F13A1: variants seen among roughly 807,000 people sequenced by gnomAD.
The protein encoded by F13A1 is FSF, A subunit.
F13A1 carries 47 observed loss-of-function variants against 80.1 expected under a neutral mutation model. The observed-to-expected ratio is 0.59, with a 90% CI of 0.46 to 0.75. F13A1 has a LOEUF of 0.75. Ranked by LOEUF, F13A1 falls within the 30% of genes least tolerant of loss-of-function variation. F13A1 has a pLI of 0.00. For missense variants in F13A1, 817 were observed against 930.4 expected (o/e 0.88, Z 1.59); for synonymous variants, 349 against 344.9 (o/e 1.01, Z -0.13).
At chr6:6,183,652 A>G (rs1262360689) in intron 10 of F13A1, among the ~76,000 whole-genome samples, 4 of 152,242 alleles carry the variant, frequency 2.6e-5, no homozygotes, top group African/African-American at 7.2e-5. Flanking sequence ...CCATGAAAGA[A>G]TAAGTACAAG....
chr6:6,294,348 T>A (rs1237432945), intron 3 of F13A1, among the ~76,000 whole-genome samples: 1 of 152,152 alleles, frequency 6.6e-6, no homozygotes, highest in African/African-American at 2.4e-5. Context: ...AGCCTACATC[T>A]TTCTCCCATG....
At chr6:6,193,043 G>C (rs1303135534) in intron 10 of F13A1, among the ~76,000 whole-genome samples, 1 of 152,184 alleles carries the variant, frequency 6.6e-6, no homozygotes, top group Non-Finnish European at 1.5e-5. Context: ...AAGCTGGGGA[G>C]ATAGGCAGAT....
At chr6:6,149,779 T>C (rs1760340744) in intron 14 of F13A1, among the ~76,000 whole-genome samples, 2 of 152,208 alleles carry the variant, frequency 1.3e-5, no homozygotes, top group Non-Finnish European at 2.9e-5. Flanking sequence ...TCTCTGTCTA[T>C]CTACTTGTCT....
At chr6:6,195,961 T>C in intron 9 of F13A1, 76 bp from the exon 10 acceptor site, 1 of 1,301,150 alleles carries the variant, frequency 7.7e-7, no homozygotes, top group Admixed American at 1.8e-5. Context: ...TTCATGGCAC[T>C]GAGGGTGACT....
Position 6,288,246 on chromosome 6 carries a change from C to A in F13A1, c.319+17105G>T, listed in dbSNP as rs115227873. On this transcript the variant is annotated intron_variant, in intron 3 of 14. Coordinates refer to ENST00000264870, the MANE Select transcript of F13A1 (RefSeq NM_000129.4). ...TTATTTTAAACTGTGGTCACCAAGCCATGCAGTAGATCACTAAAACTTATT... is the reference window on the plus strand; with the variant it reads ...TTATTTTAAACTGTGGTCACCAAGCAATGCAGTAGATCACTAAAACTTATT... 1.6e-3 allele frequency among the ~76,000 whole-genome samples: 242 copies of A among 152,294 alleles called. 1 individual carries two copies. Among genetic ancestry groups the A allele is most frequent in the African/African-American group, 5.5e-3 (228 of 41,572 alleles).
chr6:6,287,175 A>C (rs1409554804), intron 3 of F13A1, among the ~76,000 whole-genome samples: 2 of 152,218 alleles, frequency 1.3e-5, no homozygotes, highest in Non-Finnish European at 2.9e-5. Context: ...TTTAGATTAG[A>C]GACTCAAGAG....
At chr6:6,217,953 C>T (rs1422234851) in intron 8 of F13A1, among the ~76,000 whole-genome samples, 1 of 152,134 alleles carries the variant, frequency 6.6e-6, no homozygotes, top group African/African-American at 2.4e-5. Context: ...TCTGTTTATT[C>T]AGTGCTTGCT....
chr6:6,202,764 C>T (rs1275962562), intron 8 of F13A1, among the ~76,000 whole-genome samples: 1 of 152,186 alleles, frequency 6.6e-6, no homozygotes, highest in African/African-American at 2.4e-5. Context: ...CACATCTCTG[C>T]TTTATGTTTC....
At chr6:6,168,577 G>A (rs557668898) in intron 12 of F13A1, among the ~76,000 whole-genome samples, 1 of 152,322 alleles carries the variant, frequency 6.6e-6, no homozygotes, top group South Asian at 2.1e-4. Flanking sequence ...TCCATCCCCA[G>A]CCACAGAGAA....
At chr6:6,176,135 G>GT (rs1760879805) in intron 11 of F13A1, among the ~76,000 whole-genome samples, 1 of 151,968 alleles carries the variant, frequency 6.6e-6, no homozygotes, top group African/African-American at 2.4e-5. Flanking sequence ...TCCTTGGCTT[G>GT]TAAAAACTAG....
At position 6,266,770 on chromosome 6, in the gene F13A1, A is replaced by G. The variant is rs1185244838; in HGVS notation, c.359T>C (p.Val120Ala). 1.2e-6 allele frequency: 2 copies of G among 1,614,104 alleles called. No individual in the cohort carries two copies. The highest frequency in any genetic ancestry group is 4.5e-5 in the East Asian group (2 of 44,902). Residue 120 changes from valine to alanine, a missense_variant, in exon 4 of 15, where the codon GTG (valine) becomes GCG (alanine). Physicochemically the swap from Val to Ala is moderately conservative, Grantham distance 64. Transcript: ENST00000264870. ...PQENKGTYIP[V>A]PIVSELQSGK... ...ACTTTGTAACTCTGAGACTATAGGC[A>G]CTGGGATGTAGGTTCCCTTGTTCTC...
Position 6,316,110 on chromosome 6 carries a change from T to C in F13A1, c.130+2425A>G, listed in dbSNP as rs1485661373. 1.2e-3 allele frequency among the ~76,000 whole-genome samples: 65 copies of C among 52,442 alleles called. 3 individuals carry two copies. Among genetic ancestry groups the C allele is most frequent in the Admixed American group, 4.6e-3 (24 of 5,242 alleles). The allele number at this position is 52,442 out of a possible 152,430, so 34.4% of individuals were successfully genotyped here. On this transcript the variant is annotated intron_variant, in intron 2 of 14. Coordinates refer to ENST00000264870, the MANE Select transcript of F13A1 (RefSeq NM_000129.4). The stretch of plus-strand genomic sequence containing the variant: ...ATATATATATATATATATATATATA[T>C]ATATATATATATATATATATATATA...
At chr6:6,152,533 A>G (rs918138439) in intron 13 of F13A1, among the ~76,000 whole-genome samples, 1 of 152,188 alleles carries the variant, frequency 6.6e-6, no homozygotes, top group Non-Finnish European at 1.5e-5. Flanking sequence ...TTTGTTGGTG[A>G]GTTGATCTAT....
At chr6:6,252,611 C>T (rs973766412) in intron 4 of F13A1, among the ~76,000 whole-genome samples, 5 of 152,162 alleles carry the variant, frequency 3.3e-5, no homozygotes, top group Admixed American at 2.6e-4. Context: ...ATTCATTGTG[C>T]TACTCTTTCT....
intron 2 of F13A1, among the ~76,000 whole-genome samples, chr6:6,308,194 T>A (rs1057144389): frequency 3.3e-5 from 5 of 152,114 alleles, no homozygotes; most frequent in African/African-American, 9.7e-5. Flanking sequence ...TTTGTATTTT[T>A]AAAAAATTTA....
intron 13 of F13A1, among the ~76,000 whole-genome samples, chr6:6,161,549 TGTGA>T (rs1273204371): frequency 3.8e-4 from 57 of 149,522 alleles, no homozygotes; most frequent in African/African-American, 7.8e-4. Flanking sequence ...TGTGTGTGTG[TGTGA>T]GAGAGAGAGA....
intron 8 of F13A1, among the ~76,000 whole-genome samples, chr6:6,207,958 C>T (rs1761524290): frequency 6.6e-6 from 1 of 152,110 alleles, no homozygotes; most frequent in African/African-American, 2.4e-5. Flanking sequence ...TAAGAATTGC[C>T]ACATTATATT....
At chr6:6,202,024 A>G (rs1472173264) in intron 8 of F13A1, among the ~76,000 whole-genome samples, 1 of 152,134 alleles carries the variant, frequency 6.6e-6, no homozygotes, top group Non-Finnish European at 1.5e-5. Context: ...ACATATATAT[A>G]TAAAATCAAA....
At chr6:6,180,758 TCTGA>T (rs1259356405) in intron 11 of F13A1, among the ~76,000 whole-genome samples, 1 of 152,196 alleles carries the variant, frequency 6.6e-6, no homozygotes, top group Non-Finnish European at 1.5e-5. Flanking sequence ...TAACAAAAAT[TCTGA>T]CTTTCTGAGA....
Sources: gnomAD v4.1 joint callset for allele counts (sites outside exome capture counted in the v4.1 genomes callset) on GRCh38, gnomAD v4.1.1 for gene constraint, MANE v1.5 for transcripts, NCBI Gene and HGNC (gene_info 2026-07-23, HGNC 2026-07-21) for gene names.